Variants in SERTAD4 observed in about 807,000 individuals in gnomAD.
The protein encoded by SERTAD4 is SERTA domain-containing protein 4.
Under a neutral mutation model 32.9 loss-of-function variants are expected in SERTAD4, and 18 were observed. The ratio of observed to expected loss-of-function variants is 0.55; its 90% confidence interval spans 0.38 to 0.81. The LOEUF is 0.81. Among genes scored for constraint, SERTAD4 ranks in the 30% least tolerant of loss-of-function variants. The pLI is 0.00. For synonymous variants in SERTAD4, 150 were observed against 156.4 expected (o/e 0.96, Z 0.30); for missense variants, 383 against 426.0 (o/e 0.90, Z 0.89).
chr1:210,233,939 T>C, intron 1 of SERTAD4: 1 of 424,226 alleles, frequency 2.4e-6, no homozygotes, highest in South Asian at 1.7e-5. Context: ...AGTCATTTCC[T>C]TGGAATCCTA....
Position 210,238,073 on chromosome 1 carries a change from G to A in SERTAD4, c.113G>A (p.Ser38Asn). The A allele has an allele frequency of 1.2e-6, 2 of 1,613,664 alleles. No homozygotes were observed. Among genetic ancestry groups the A allele is most frequent in the Non-Finnish European group, 1.7e-6 (2 of 1,179,840 alleles). Residue 38 changes from serine to asparagine, a missense_variant, in exon 2 of 4, where the codon AGC becomes AAC. Coordinates refer to ENST00000367012, the MANE Select transcript of SERTAD4 (RefSeq NM_019605.5). ...LWEADSYGGP[S>N]PPGPAQAPLQ... ...GAGGCTGACAGCTACGGAGGCCCAA[G>A]CCCCCCAGGGCCAGCACAAGCTCCT...
Position 210,239,505 on chromosome 1 carries a change from G to T in SERTAD4, c.188G>T (p.Arg63Met), listed in dbSNP as rs148780972. 1.4e-5 allele frequency: 22 copies of T among 1,592,222 alleles called. No individual in the cohort carries two copies. Among genetic ancestry groups the T allele is most frequent in the Non-Finnish European group, 1.8e-5 (21 of 1,162,376 alleles). The part of the protein sequence containing the change: ...AGPPLAGSHY[R>M]GISNPITTSK... ...TTTATTACCACAGGATCACATTACAGGGGAATTTCAAATCCTATAACAACA... is the reference window on the plus strand; with the variant it reads ...TTTATTACCACAGGATCACATTACATGGGAATTTCAAATCCTATAACAACA... The change falls in exon 3 of 4, where the codon AGG becomes ATG. Residue 63 changes from arginine (R) to methionine (M), a missense_variant. Around this residue, in one of 3 missense-constraint regions of SERTAD4, gnomAD observed 96 missense variants for 76.6 expected, o/e 1.25. Transcript: ENST00000367012.
intron 1 of SERTAD4, among the ~76,000 whole-genome samples, chr1:210,234,383 G>A (rs1461373319): frequency 1.3e-5 from 2 of 152,220 alleles, no homozygotes; most frequent in South Asian, 2.1e-4. Flanking sequence ...CCCAACCACA[G>A]GACCCAGCTT....
At position 210,232,962 on chromosome 1, in the gene SERTAD4, A is replaced by G. The variant is rs1322662491; in HGVS notation, c.-67A>G. ...CGGGCTGGCGCCGAGCCCAGAGCGG[A>G]CCAGCAGCAGCTCAAGCGCTGCGGC... On this transcript the variant is annotated 5_prime_UTR_variant, in exon 1 of 4. Coordinates refer to ENST00000367012, the MANE Select transcript of SERTAD4 (RefSeq NM_019605.5). 1 of 150,048 alleles carries G rather than the reference A, an allele frequency of 6.7e-6. No individual in the cohort carries two copies. The highest frequency in any genetic ancestry group is 6.6e-5 in the Admixed American group (1 of 15,070). The allele number at this position is 150,048 out of a possible 1,614,324, so 9.3% of individuals were successfully genotyped here.
intron 3 of SERTAD4, 62 bp from the exon 4 acceptor site, chr1:210,241,496 T>C: frequency 6.8e-7 from 1 of 1,475,004 alleles, no homozygotes; most frequent in Non-Finnish European, 9.1e-7. Flanking sequence ...TAGTCCATTT[T>C]CTAAGCTTTC....
intron 1 of SERTAD4, among the ~76,000 whole-genome samples, chr1:210,236,700 T>C (rs928167080): frequency 6.6e-6 from 1 of 152,210 alleles, no homozygotes; most frequent in Non-Finnish European, 1.5e-5. Context: ...TAGTTTATGT[T>C]TGAAAGACAA....
chr1:210,245,484 T>G lies in SERTAD4; in HGVS notation c.*3147T>G, dbSNP rs2084039830. 1 of 152,126 alleles carries G rather than the reference T, an allele frequency of 6.6e-6. No homozygotes were observed. Among genetic ancestry groups the G allele is most frequent in the Non-Finnish European group, 1.5e-5 (1 of 68,018 alleles). The allele number at this position is 152,126 out of a possible 1,614,324, so 9.4% of individuals were successfully genotyped here. A position where few individuals can be genotyped will look rare whatever the true frequency, so the allele number is the denominator to read the frequency against. On this transcript the variant is annotated 3_prime_UTR_variant, in exon 4 of 4. Transcript: ENST00000367012. ...ACTCAAAATCCTATTATTCTACATT[T>G]CACTTTGCAGGGGTCCTAGGGACAG...
chr1:210,233,663 C>T (rs754012319), intron 1 of SERTAD4: 9 of 469,896 alleles, frequency 1.9e-5, no homozygotes, highest in South Asian at 1.2e-4. Flanking sequence ...CTGCTGCCCG[C>T]CTGGTCCACG....
intron 2 of SERTAD4, among the ~76,000 whole-genome samples, chr1:210,238,418 C>T (rs150067431): frequency 6.6e-6 from 1 of 152,314 alleles, no homozygotes; most frequent in Admixed American, 6.5e-5. Context: ...GATATTGAAA[C>T]TCTGAGTTTG....
rs2084031640 is a variant in SERTAD4, at chr1:210,244,751, C to T, written c.*2414C>T. The T allele has an allele frequency of 6.6e-6, 1 of 152,064 alleles. No individual in the cohort carries two copies. Among genetic ancestry groups the T allele is most frequent in the African/African-American group, 2.4e-5 (1 of 41,404 alleles). 9.4% of individuals were successfully genotyped at this position (152,064 alleles called of 1,614,324 possible). On this transcript the variant is annotated 3_prime_UTR_variant, in exon 4 of 4. Coordinates refer to ENST00000367012, the MANE Select transcript of SERTAD4 (RefSeq NM_019605.5). ...TGACAAAGTTGGTGATTTTCAGCAG[C>T]ACTCACCTGAGCTGTGAGCGCCTGC... is the stretch of plus-strand genomic sequence containing the variant.
rs1225701991 is a variant in SERTAD4, at chr1:210,243,191, A to G, written c.*854A>G. 34 of 940,140 alleles carry G rather than the reference A, an allele frequency of 3.6e-5. No individual in the cohort carries two copies. Among genetic ancestry groups the G allele is most frequent in the South Asian group, 9.9e-5 (2 of 20,304 alleles). The allele number at this position is 940,140 out of a possible 1,614,324, so 58.2% of individuals were successfully genotyped here. A position where few individuals can be genotyped will look rare whatever the true frequency, so the allele number is the denominator to read the frequency against. On this transcript the variant is annotated 3_prime_UTR_variant, in exon 4 of 4. Transcript: ENST00000367012. Reference sequence around the variant, plus strand: ...GTTCAGCTTTTGATTCGACATCTCTATTCTTTATTTTTGATGCCCAATTGC... The same window carrying G: ...GTTCAGCTTTTGATTCGACATCTCTGTTCTTTATTTTTGATGCCCAATTGC...
intron 1 of SERTAD4, 54 bp from the exon 2 acceptor site, chr1:210,237,890 G>A: frequency 6.9e-7 from 1 of 1,456,554 alleles, no homozygotes. Flanking sequence ...CCCTTGGCTT[G>A]CTCTTGATTA....
Position 210,243,081 on chromosome 1 carries a change from T to G in SERTAD4, c.*744T>G. ...ATAAATCAGAGTTACAGCAGGGATTTAACAAACAGGACAAAAAAAAAAAAA... is the reference window on the plus strand; with the variant it reads ...ATAAATCAGAGTTACAGCAGGGATTGAACAAACAGGACAAAAAAAAAAAAA... On this transcript the variant is annotated 3_prime_UTR_variant, in exon 4 of 4. Transcript: ENST00000367012. The G allele has an allele frequency of 1.2e-5, 1 of 84,150 alleles. No homozygotes were observed. Among genetic ancestry groups the G allele is most frequent in the Non-Finnish European group, 1.7e-5 (1 of 60,456 alleles). 5.2% of individuals were successfully genotyped at this position (84,150 alleles called of 1,614,324 possible). A position where few individuals can be genotyped will look rare whatever the true frequency, so the allele number is the denominator to read the frequency against.
intron 2 of SERTAD4, 118 bp from the exon 3 acceptor site, chr1:210,239,375 A>C: frequency 1.4e-6 from 1 of 694,416 alleles, no homozygotes; most frequent in Non-Finnish European, 2.6e-6. Flanking sequence ...TAATCACCAC[A>C]TGTACAGACA....
At chr1:210,235,545 T>A (rs538731837) in intron 1 of SERTAD4, among the ~76,000 whole-genome samples, 2 of 152,290 alleles carry the variant, frequency 1.3e-5, no homozygotes, top group South Asian at 4.2e-4. Flanking sequence ...AAGAAAAACT[T>A]AGTAAAATTA....
At chr1:210,237,703 TG>T (rs2083954596) in intron 1 of SERTAD4, among the ~76,000 whole-genome samples, 1 of 152,044 alleles carries the variant, frequency 6.6e-6, no homozygotes, top group Non-Finnish European at 1.5e-5. Context: ...CAATAAGAAA[TG>T]GGGTTTTAAA....
In SERTAD4 at chr1:210,242,275, C is replaced by G. The variant is rs150924683; in HGVS notation, c.1009C>G (p.Arg337Gly). ...AAATGAATCTTGGAAAAAGTCCTTA[C>G]GGAAAAAGGAGGCTTCACCACCAAG... is the stretch of plus-strand genomic sequence containing the variant. ...NVNESWKKSL[R>G]KKEASPPSNK... The change falls in exon 4 of 4, where the codon CGG (arginine) becomes GGG (glycine). Residue 337 changes from arginine to glycine, a missense_variant. Coordinates refer to ENST00000367012, the MANE Select transcript of SERTAD4 (RefSeq NM_019605.5). The surrounding 1 kb of genome is among the most constrained non-coding windows in gnomAD (Gnocchi z 4.0). 6.2e-7 allele frequency: 1 copy of G among 1,607,946 alleles called. No homozygotes were observed. Among genetic ancestry groups the G allele is most frequent in the Non-Finnish European group, 8.5e-7 (1 of 1,178,344 alleles).
At position 210,238,154 on chromosome 1, in the gene SERTAD4, G is replaced by GCC; in HGVS notation, c.175+21_175+22dup. 6.6e-7 allele frequency: 1 copy of GCC among 1,507,992 alleles called. No individual in the cohort carries two copies. Among genetic ancestry groups the GCC allele is most frequent in the Non-Finnish European group, 9.0e-7 (1 of 1,109,572 alleles). The allele number at this position is 1,507,992 out of a possible 1,614,324, so 93.4% of individuals were successfully genotyped here. A position where few individuals can be genotyped will look rare whatever the true frequency, so the allele number is the denominator to read the frequency against. ...CTGGCAGGTATTGCCCTTGACCTGC[G>GCC]CCCATCCCCCCCACCCCTCGCTGCC... On this transcript the variant is annotated intron_variant, in intron 2 of 3. Coordinates refer to ENST00000367012, the MANE Select transcript of SERTAD4 (RefSeq NM_019605.5).
Position 210,238,035 on chromosome 1 carries a change from C to T in SERTAD4, c.75C>T (p.Tyr25=), listed in dbSNP as rs778338098. 7 of 1,613,752 alleles carry T rather than the reference C, an allele frequency of 4.3e-6. No individual in the cohort carries two copies. The highest frequency in any genetic ancestry group is 5.9e-6 in the Non-Finnish European group (7 of 1,179,918). ...VSEGAAEIAG[Y]QTLWEADSYG... ...AAGGAGCTGCTGAAATTGCTGGGTACCAAACACTATGGGAGGCTGACAGCT... is the reference window on the plus strand; with the variant it reads ...AAGGAGCTGCTGAAATTGCTGGGTATCAAACACTATGGGAGGCTGACAGCT... The change falls in exon 2 of 4, where the codon TAC becomes TAT. Residue 25 remains tyrosine (Y), a synonymous_variant. Coordinates refer to ENST00000367012, the MANE Select transcript of SERTAD4 (RefSeq NM_019605.5).
Sources: gnomAD v4.1 joint callset for allele counts (sites outside exome capture counted in the v4.1 genomes callset) on GRCh38, gnomAD v4.1.1 for gene constraint, gnomAD v4.1.1 regional missense constraint, Gnocchi (gnomAD v3.1) non-coding constraint, MANE v1.5 for transcripts, NCBI Gene and HGNC (gene_info 2026-07-23, HGNC 2026-07-21) for gene names.